ARHGAP22: variants seen among roughly 807,000 people sequenced by gnomAD.
ARHGAP22 encodes the protein rho GTPase-activating protein 22.
Under a neutral mutation model 59.1 loss-of-function variants are expected in ARHGAP22, and 48 were observed. The observed-to-expected ratio is 0.81, with a 90% CI of 0.64 to 1.03. The LOEUF is 1.03. Among genes scored for constraint, ARHGAP22 ranks in the 50% least tolerant of loss-of-function variants. The pLI, the probability that ARHGAP22 is intolerant of heterozygous loss-of-function variation, is 0.00. For synonymous variants in ARHGAP22, 445 were observed against 416.4 expected, an observed-to-expected ratio of 1.07 and a Z score of -0.84; for missense variants, 1,015 against 958.7, an observed-to-expected ratio of 1.06 and a Z score of -0.78.
chr10:48,508,586 A>G (rs1040724281), intron 3 of ARHGAP22, among the ~76,000 whole-genome samples: 2 of 152,204 alleles, frequency 1.3e-5, no homozygotes, highest in African/African-American at 2.4e-5. Context: ...ATGGGTAGGG[A>G]TCCATGGGAA....
chr10:48,601,238 G>A lies in ARHGAP22; in HGVS notation c.34+3525C>T, dbSNP rs181363171. 2.6e-5 allele frequency among the ~76,000 whole-genome samples: 4 copies of A among 152,298 alleles called. No individual in the cohort carries two copies. The East Asian group carries it at 7.7e-4, about 29-fold the overall frequency. On this transcript the variant is annotated intron_variant, in intron 1 of 9. Coordinates refer to ENST00000249601, the MANE Select transcript of ARHGAP22 (RefSeq NM_021226.4). ...ATAACTAAGCAATCCCAGGAGGCCT[G>A]CTAACCCTATGAGTGTCCCTGAAGG...
At chr10:48,493,455 GCTC>G (rs1189115713) in intron 3 of ARHGAP22, 9 of 1,535,936 alleles carry the variant, frequency 5.9e-6, no homozygotes, top group Non-Finnish European at 7.8e-6. Context: ...GCATACGCCT[GCTC>G]CTCTTCAGAC....
At chr10:48,523,914 A>C in intron 3 of ARHGAP22, 1 of 583,822 alleles carries the variant, frequency 1.7e-6, no homozygotes, top group South Asian at 5.1e-5. Flanking sequence ...TCAGAGGAGC[A>C]GCAGCCGCAC....
At chr10:48,561,075 T>A (rs1238007558) in intron 2 of ARHGAP22, among the ~76,000 whole-genome samples, 1 of 152,138 alleles carries the variant, frequency 6.6e-6, no homozygotes, top group Non-Finnish European at 1.5e-5. Context: ...CTAATACTAC[T>A]TGATTTCAAG....
At chr10:48,463,956 C>T (rs1168751059) in intron 4 of ARHGAP22, among the ~76,000 whole-genome samples, 1 of 152,170 alleles carries the variant, frequency 6.6e-6, no homozygotes, top group African/African-American at 2.4e-5. Flanking sequence ...GGAAAAAATT[C>T]CAAAATTCTC....
chr10:48,556,466 C>T (rs1211069944), intron 2 of ARHGAP22: 1 of 152,168 alleles, frequency 6.6e-6, no homozygotes, highest in Non-Finnish European at 1.5e-5. Flanking sequence ...TTCATTCATG[C>T]TTGGTTTTGC....
chr10:48,575,067 T>A (rs988962531), intron 2 of ARHGAP22: 1 of 152,172 alleles, frequency 6.6e-6, no homozygotes, highest in African/African-American at 2.4e-5. Flanking sequence ...TCTCACGAAA[T>A]CTGGTGGTTT....
intron 3 of ARHGAP22, among the ~76,000 whole-genome samples, chr10:48,494,552 C>A (rs570902549): frequency 6.6e-6 from 1 of 152,202 alleles, no homozygotes; most frequent in Non-Finnish European, 1.5e-5. Flanking sequence ...TCCATCTGTC[C>A]ACTTGTTCAT....
At chr10:48,524,062 C>T in intron 3 of ARHGAP22, 1 of 1,479,420 alleles carries the variant, frequency 6.8e-7, no homozygotes, top group East Asian at 2.9e-5. Context: ...CCTTTGGGCG[C>T]TCGCAGGTGT....
intron 1 of ARHGAP22, among the ~76,000 whole-genome samples, chr10:48,624,677 G>A (rs1176369843): frequency 6.6e-6 from 1 of 152,186 alleles, no homozygotes; most frequent in Non-Finnish European, 1.5e-5. Flanking sequence ...AGGTGTAAGA[G>A]AACATGATTG....
intron 3 of ARHGAP22, among the ~76,000 whole-genome samples, chr10:48,500,925 T>G (rs2051451100): frequency 1.4e-5 from 2 of 146,094 alleles, no homozygotes; most frequent in Admixed American, 1.4e-4. Context: ...AGTTGAAAAA[T>G]GAAACTATAA....
At chr10:48,613,300 C>G (rs1048739581) in intron 1 of ARHGAP22, among the ~76,000 whole-genome samples, 1 of 152,152 alleles carries the variant, frequency 6.6e-6, no homozygotes, top group Non-Finnish European at 1.5e-5. Flanking sequence ...CACTGATGAG[C>G]ATCTAGTTTC....
chr10:48,592,856 T>C (rs2059845953), intron 1 of ARHGAP22, among the ~76,000 whole-genome samples: 1 of 152,186 alleles, frequency 6.6e-6, no homozygotes, highest in South Asian at 2.1e-4. Flanking sequence ...TGCTGCAGCC[T>C]CTTCAAAAGA....
chr10:48,641,336 TA>T (rs1170265872), intron 1 of ARHGAP22, among the ~76,000 whole-genome samples: 1 of 152,136 alleles, frequency 6.6e-6, no homozygotes, highest in Non-Finnish European at 1.5e-5. Context: ...GTATGCTGTC[TA>T]AAAGAGACAC....
intron 8 of ARHGAP22, among the ~76,000 whole-genome samples, chr10:48,452,968 A>C (rs1564672006): frequency 6.6e-6 from 1 of 152,218 alleles, no homozygotes; most frequent in African/African-American, 2.4e-5. Context: ...AGAAAAGCAA[A>C]CATGTCTGTG....
At chr10:48,600,468 T>C (rs527301813) in intron 1 of ARHGAP22, among the ~76,000 whole-genome samples, 1 of 152,162 alleles carries the variant, frequency 6.6e-6, no homozygotes, top group East Asian at 1.9e-4. Flanking sequence ...TTAAGATTTG[T>C]GCATTTTACT....
chr10:48,468,325 C>T (rs948974548), intron 4 of ARHGAP22, among the ~76,000 whole-genome samples: 2 of 152,092 alleles, frequency 1.3e-5, no homozygotes, highest in Non-Finnish European at 2.9e-5. Flanking sequence ...GAGAGGTTAA[C>T]CTGGGTTATC....
At position 48,636,009 on chromosome 10, in the gene ARHGAP22, T is replaced by C. The variant is rs571050540; in HGVS notation, c.52+16225A>G. On this transcript the variant is annotated intron_variant, in intron 1 of 9. Coordinates refer to the ARHGAP22 transcript ENST00000435790. ...GTGCAAGGTGATCTCAATGTTGTTA[T>C]TTATTATTATTTTTAGTTTGGTGGT... Among the ~76,000 whole-genome samples the C allele has an allele frequency of 2.0e-5, 3 of 152,346 alleles. No individual in the cohort carries two copies. In the East Asian group the frequency reaches 5.8e-4, roughly 29 times the overall value.
chr10:48,635,445 C>T (rs1268564515), intron 1 of ARHGAP22, among the ~76,000 whole-genome samples: 2 of 152,220 alleles, frequency 1.3e-5, no homozygotes, highest in African/African-American at 2.4e-5. Flanking sequence ...TAGGTGAGCC[C>T]ACTGATGGCT....
Sources: allele counts gnomAD v4.1 joint callset (sites outside exome capture counted in the v4.1 genomes callset), GRCh38; gene constraint gnomAD v4.1.1; transcripts MANE v1.5; gene names NCBI Gene and HGNC (gene_info 2026-07-23, HGNC 2026-07-21).